SORBS2: variants seen among roughly 807,000 people sequenced by gnomAD.
SORBS2 encodes sorbin and SH3 domain-containing protein 2.
In SORBS2, 46 loss-of-function variants were observed where a neutral mutation model predicts 97.7. That is an observed-to-expected ratio of 0.47 (90% confidence interval 0.37 to 0.60). SORBS2 has a LOEUF of 0.60. Among genes scored for constraint, SORBS2 ranks in the 20% least tolerant of loss-of-function variants. The probability of loss-of-function intolerance (pLI) is 0.00; values close to 1 mark genes in which losing one functional copy is unlikely to be tolerated. For missense variants in SORBS2, 1,316 were observed against 1,282.3 expected (o/e 1.03, Z -0.40); for synonymous variants, 476 against 473.4 (o/e 1.01, Z -0.07).
chr4:185,868,302 G>A lies in SORBS2; in HGVS notation c.-338+87894C>T, dbSNP rs1048639411. Reference sequence around the variant, plus strand: ...TTCCCGAGTAGCTGGGATTACAGGCGTGTGCCACCATGCCCAGCTAATTTT... The same window carrying A: ...TTCCCGAGTAGCTGGGATTACAGGCATGTGCCACCATGCCCAGCTAATTTT... On this transcript the variant is annotated intron_variant, in intron 1 of 20. Coordinates refer to the SORBS2 transcript ENST00000284776. Among the ~76,000 whole-genome samples the A allele has an allele frequency of 3.2e-4, 49 of 151,132 alleles. 1 individual carries two copies. The highest frequency in any genetic ancestry group is 3.0e-3 in the Admixed American group (45 of 15,194).
chr4:185,660,511 G>A (rs1433667462), upstream of SORBS2, among the ~76,000 whole-genome samples: 2 of 152,200 alleles, frequency 1.3e-5, no homozygotes, highest in Admixed American at 6.5e-5. Flanking sequence ...CATAGCATCA[G>A]CGAAGGCACA....
chr4:185,616,438 C>G (rs2096628260), intron 9 of SORBS2, among the ~76,000 whole-genome samples: 1 of 152,106 alleles, frequency 6.6e-6, no homozygotes, highest in Admixed American at 6.5e-5. Flanking sequence ...GTGCAAATGC[C>G]TAATGTAAAA....
chr4:185,859,421 C>T (rs906252773), intron 1 of SORBS2, among the ~76,000 whole-genome samples: 1 of 152,160 alleles, frequency 6.6e-6, no homozygotes, highest in African/African-American at 2.4e-5. Context: ...CTGCGTTTCC[C>T]ACACTCTGTG....
exon 6 of SORBS2, chr4:185,626,958 G>C: frequency 6.2e-7 from 1 of 1,614,126 alleles, no homozygotes; most frequent in Non-Finnish European, 8.5e-7. Context: ...AAGCCCCGTG[G>C]TGGACCCACT....
At chr4:185,910,287 T>A (rs146299570) in intron 1 of SORBS2, among the ~76,000 whole-genome samples, 41 of 152,316 alleles carry the variant, frequency 2.7e-4, no homozygotes, top group Non-Finnish European at 5.4e-4. Flanking sequence ...CACACCCTAC[T>A]CCATTTTCAA....
At chr4:185,828,782 G>A (rs752376744) in intron 1 of SORBS2, among the ~76,000 whole-genome samples, 157 of 152,166 alleles carry the variant, frequency 1.0e-3, no homozygotes, top group Admixed American at 2.0e-3. Context: ...AGATTCCCAG[G>A]GTGGAAAAGG....
At chr4:185,818,816 A>G (rs2099194919) in intron 1 of SORBS2, among the ~76,000 whole-genome samples, 1 of 141,856 alleles carries the variant, frequency 7.0e-6, no homozygotes, top group Non-Finnish European at 1.5e-5. Context: ...ACAGAGCGAG[A>G]CTCTGTCTCA....
intron 2 of SORBS2, among the ~76,000 whole-genome samples, chr4:185,769,010 T>A (rs2098953865): frequency 6.6e-6 from 1 of 152,128 alleles, no homozygotes; most frequent in South Asian, 2.1e-4. Context: ...CAGAGCTCCT[T>A]GAAGAAATAA....
intron 2 of SORBS2, among the ~76,000 whole-genome samples, chr4:185,719,889 G>GA (rs1276318868): frequency 6.6e-6 from 1 of 152,224 alleles, no homozygotes; most frequent in Non-Finnish European, 1.5e-5. Context: ...AGTTTCAGCT[G>GA]AACACATGGC....
chr4:185,859,032 G>A (rs2099222220), intron 1 of SORBS2, among the ~76,000 whole-genome samples: 1 of 152,140 alleles, frequency 6.6e-6, no homozygotes, highest in Non-Finnish European at 1.5e-5. Context: ...CAAGGTTTTG[G>A]TGAACCCAAA....
At chr4:185,736,910 C>A (rs1379784777) in intron 2 of SORBS2, among the ~76,000 whole-genome samples, 1 of 152,200 alleles carries the variant, frequency 6.6e-6, no homozygotes, top group African/African-American at 2.4e-5. Context: ...CCTAACAATA[C>A]CATACCTACT....
intron 1 of SORBS2, among the ~76,000 whole-genome samples, chr4:185,897,125 C>T (rs1023455112): frequency 2.6e-5 from 4 of 152,206 alleles, no homozygotes; most frequent in African/African-American, 7.2e-5. Context: ...ACCAGAATCC[C>T]TCTTCCTCCA....
chr4:185,621,179 TTAAAGTGCTGATTCATAA>T (rs1350402123), intron 7 of SORBS2, among the ~76,000 whole-genome samples: 1 of 152,224 alleles, frequency 6.6e-6, no homozygotes, highest in African/African-American at 2.4e-5. Context: ...ATGAAAGAAT[TTAAAGTGCTGATTCATAA>T]TAAGAAAACA....
At chr4:185,634,812 G>T (rs1250073785) in intron 4 of SORBS2, among the ~76,000 whole-genome samples, 1 of 152,132 alleles carries the variant, frequency 6.6e-6, no homozygotes, top group African/African-American at 2.4e-5. Context: ...AGTCATGTCT[G>T]TCATGGGTAT....
chr4:185,838,420 G>T (rs572785686), intron 1 of SORBS2, among the ~76,000 whole-genome samples: 2 of 152,332 alleles, frequency 1.3e-5, no homozygotes, highest in East Asian at 1.9e-4. Flanking sequence ...ACTCACGGAT[G>T]CGCTGGTTGC....
intron 8 of SORBS2, among the ~76,000 whole-genome samples, chr4:185,619,150 T>C (rs1338812823): frequency 1.3e-5 from 2 of 152,246 alleles, no homozygotes; most frequent in Non-Finnish European, 2.9e-5. Context: ...TGTGATCATC[T>C]TGCATTCCCT....
At chr4:185,716,528 C>T (rs192301724) in intron 2 of SORBS2, among the ~76,000 whole-genome samples, 5 of 152,318 alleles carry the variant, frequency 3.3e-5, no homozygotes, top group Admixed American at 2.6e-4. Context: ...ATTTCAGATA[C>T]GGGGCCCCTT....
At chr4:185,599,903 G>C (rs750064156) in intron 12 of SORBS2, among the ~76,000 whole-genome samples, 5 of 152,104 alleles carry the variant, frequency 3.3e-5, no homozygotes, top group Non-Finnish European at 5.9e-5. Flanking sequence ...GGGCGGGGGA[G>C]GTGGCCAGGA....
intron 1 of SORBS2, among the ~76,000 whole-genome samples, chr4:185,912,456 G>A (rs573471000): frequency 4.5e-4 from 68 of 151,778 alleles, no homozygotes; most frequent in Middle Eastern, 6.8e-3. Flanking sequence ...GTGGTGGTGG[G>A]CACCTGTAAT....
Sources: gnomAD v4.1 joint callset for allele counts (sites outside exome capture counted in the v4.1 genomes callset) on GRCh38, gnomAD v4.1.1 for gene constraint, MANE v1.5 for transcripts, NCBI Gene and HGNC (gene_info 2026-07-23, HGNC 2026-07-21) for gene names.